SCFD2: variants seen among roughly 807,000 people sequenced by gnomAD.
SCFD2 encodes sec1 family domain containing 2.
In SCFD2, 54 loss-of-function variants were observed where a neutral mutation model predicts 58.9. That is an observed-to-expected ratio of 0.92 (90% CI 0.74 to 1.15). The LOEUF is 1.15. Among genes scored for constraint, SCFD2 ranks in the 50% most tolerant of loss-of-function variants. SCFD2 has a pLI of 0.00. For missense variants in SCFD2, 805 were observed against 836.6 expected (o/e 0.96, Z 0.47); for synonymous variants, 321 against 335.9 (o/e 0.96, Z 0.49).
chr4:53,111,219 G>A (rs1725164154), intron 5 of SCFD2, among the ~76,000 whole-genome samples: 2 of 151,998 alleles, frequency 1.3e-5, no homozygotes, highest in Admixed American at 1.3e-4. Context: ...ATTGCAATAG[G>A]AGAAATACAT....
At chr4:52,948,751 T>C in intron 5 of SCFD2, 2 of 306,836 alleles carry the variant, frequency 6.5e-6, no homozygotes, top group East Asian at 1.7e-4. Flanking sequence ...CCTGACAGTG[T>C]GTAGTCTTCA....
At chr4:53,183,622 T>C (rs1282675183) in intron 4 of SCFD2, among the ~76,000 whole-genome samples, 1 of 151,798 alleles carries the variant, frequency 6.6e-6, no homozygotes, top group African/African-American at 2.4e-5. Context: ...CTGCACGTTG[T>C]GCACATGTAC....
chr4:52,972,181 G>C (rs944010074), intron 5 of SCFD2, among the ~76,000 whole-genome samples: 1 of 152,150 alleles, frequency 6.6e-6, no homozygotes, highest in Non-Finnish European at 1.5e-5. Flanking sequence ...AACCTTAAAT[G>C]CAAATGGGCT....
intron 5 of SCFD2, among the ~76,000 whole-genome samples, chr4:53,007,318 G>GAGAGAGAGAGAA (rs1316574060): frequency 1.5e-5 from 2 of 130,830 alleles, no homozygotes; most frequent in Admixed American, 8.0e-5. Context: ...GAGAGAGAGA[G>GAGAGAGAGAGAA]AGAGAGAGAG....
At chr4:53,207,533 T>TAATATATATA (rs1164619189) in intron 4 of SCFD2, among the ~76,000 whole-genome samples, 6 of 13,020 alleles carry the variant, frequency 4.6e-4, no homozygotes, top group Non-Finnish European at 6.2e-4. Flanking sequence ...ATAATATTTA[T>TAATATATATA]ATATTATATA....
chr4:53,072,081 G>A (rs923090993), intron 5 of SCFD2, among the ~76,000 whole-genome samples: 24 of 152,014 alleles, frequency 1.6e-4, no homozygotes, highest in Non-Finnish European at 1.5e-5. Context: ...TAGAGCTGGT[G>A]GGACAAAATT....
chr4:53,339,639 GCA>G (rs1268891366), intron 2 of SCFD2, among the ~76,000 whole-genome samples: 1 of 151,928 alleles, frequency 6.6e-6, no homozygotes, highest in African/African-American at 2.4e-5. Flanking sequence ...GCATGGTGGT[GCA>G]CACCTGTAGT....
chr4:52,946,667 C>A (rs1720436560), intron 5 of SCFD2, among the ~76,000 whole-genome samples: 1 of 152,102 alleles, frequency 6.6e-6, no homozygotes, highest in South Asian at 2.1e-4. Flanking sequence ...AATAAAGCCA[C>A]TTATTTTAAT....
intron 4 of SCFD2, among the ~76,000 whole-genome samples, chr4:53,246,979 G>T (rs1157191732): frequency 7.4e-6 from 1 of 134,392 alleles, no homozygotes; most frequent in African/African-American, 2.7e-5. Context: ...ACATCTGTAA[G>T]GAACTTAAAA....
chr4:53,069,235 C>G (rs1448540217), intron 5 of SCFD2, among the ~76,000 whole-genome samples: 1 of 152,004 alleles, frequency 6.6e-6, no homozygotes, highest in Non-Finnish European at 1.5e-5. Flanking sequence ...ACTGATTTGC[C>G]CAGCAGTCAT....
rs1734698471 is a variant in SCFD2 at position 53,366,047 on chromosome 4, A to G, written c.-106T>C. 5 of 1,336,790 alleles carry G rather than the reference A, an allele frequency of 3.7e-6. No homozygotes were observed. The highest frequency in any genetic ancestry group is 5.0e-6 in the Non-Finnish European group (5 of 991,250). 82.8% of individuals were successfully genotyped at this position (1,336,790 alleles called of 1,614,324 possible). A position where few individuals can be genotyped will look rare whatever the true frequency, so the allele number is the denominator to read the frequency against. On this transcript the variant is annotated 5_prime_UTR_variant, in exon 1 of 9. Transcript: ENST00000401642. Reference sequence around the variant, plus strand: ...GAGACTTTGACAGTCTCCACAGTACACGTGGTCGGCCTCTGACACGCTCCC... The same window carrying G: ...GAGACTTTGACAGTCTCCACAGTACGCGTGGTCGGCCTCTGACACGCTCCC...
intron 7 of SCFD2, among the ~76,000 whole-genome samples, chr4:52,904,561 G>A (rs1233789632): frequency 6.6e-6 from 1 of 152,206 alleles, no homozygotes; most frequent in Non-Finnish European, 1.5e-5. Context: ...CACAGATGAG[G>A]TAGCAGCAGA....
intron 2 of SCFD2, among the ~76,000 whole-genome samples, chr4:53,335,091 A>C (rs1166306916): frequency 6.6e-6 from 1 of 151,594 alleles, no homozygotes; most frequent in African/African-American, 2.4e-5. Context: ...CAGTTACTCA[A>C]TGACTGAGGC....
intron 2 of SCFD2, among the ~76,000 whole-genome samples, chr4:53,316,309 G>C (rs1375426694): frequency 2.0e-5 from 3 of 152,264 alleles, no homozygotes; most frequent in Admixed American, 2.0e-4. Flanking sequence ...TCACTACCTA[G>C]AACAGTGCAG....
chr4:53,008,954 C>T (rs1252367897), intron 5 of SCFD2, among the ~76,000 whole-genome samples: 2 of 152,148 alleles, frequency 1.3e-5, no homozygotes, highest in Admixed American at 1.3e-4. Context: ...GATGTGTGAT[C>T]CTGACAGAAC....
At chr4:53,114,624 A>G (rs1725268761) in intron 5 of SCFD2, among the ~76,000 whole-genome samples, 1 of 152,164 alleles carries the variant, frequency 6.6e-6, no homozygotes, top group East Asian at 1.9e-4. Flanking sequence ...CAATGAAAAC[A>G]TTTTTCAGAA....
chr4:53,276,696 A>G (rs190166245), intron 3 of SCFD2, among the ~76,000 whole-genome samples: 8 of 152,206 alleles, frequency 5.3e-5, no homozygotes, highest in Non-Finnish European at 7.4e-5. Context: ...GCTCCCACTT[A>G]TAAGTGAGAA....
intron 5 of SCFD2, among the ~76,000 whole-genome samples, chr4:52,952,499 G>A (rs922158070): frequency 5.3e-5 from 8 of 151,946 alleles, no homozygotes; most frequent in South Asian, 2.1e-4. Flanking sequence ...AACAAGGCCC[G>A]TTTAATTTTA....
chr4:53,300,501 G>C (rs1732240304), intron 3 of SCFD2, among the ~76,000 whole-genome samples: 1 of 152,086 alleles, frequency 6.6e-6, no homozygotes, highest in South Asian at 2.1e-4. Context: ...ATAATACTGG[G>C]AGACTTTAAC....
Sources: allele counts gnomAD v4.1 joint callset (sites outside exome capture counted in the v4.1 genomes callset), GRCh38; gene constraint gnomAD v4.1.1; transcripts MANE v1.5; gene names NCBI Gene and HGNC (gene_info 2026-07-23, HGNC 2026-07-21).